The following NPAS3 variants were observed in gnomAD, a reference collection of about 807,000 sequenced individuals.
The protein encoded by NPAS3 is neuronal PAS domain-containing protein 3.
A neutral mutation model predicts 73.1 loss-of-function variants in NPAS3; 14 were observed. The observed-to-expected ratio is 0.19, with a 90% CI of 0.13 to 0.30. NPAS3 has a LOEUF of 0.30. Ranked by LOEUF, NPAS3 falls within the 10% of genes least tolerant of loss-of-function variation. NPAS3 has a pLI of 1.00. For synonymous variants in NPAS3, 620 were observed against 541.5 expected (o/e 1.14, Z -2.01); for missense variants, 1,096 against 1,250.0 (o/e 0.88, Z 1.86).
chr14:32,950,449 C>T (rs961120720), intron 1 of NPAS3, among the ~76,000 whole-genome samples: 2 of 152,052 alleles, frequency 1.3e-5, no homozygotes, highest in Non-Finnish European at 2.9e-5. Flanking sequence ...CATGTGGTTT[C>T]ATCCATAGGG....
chr14:33,265,873 T>C (rs2040791940), intron 3 of NPAS3, among the ~76,000 whole-genome samples: 1 of 152,102 alleles, frequency 6.6e-6, no homozygotes, highest in African/African-American at 2.4e-5. Flanking sequence ...CATGATTTCC[T>C]TTATTAGTGG....
chr14:33,422,791 T>C (rs551210337), intron 4 of NPAS3, among the ~76,000 whole-genome samples: 5 of 152,114 alleles, frequency 3.3e-5, no homozygotes, highest in South Asian at 2.1e-4. Flanking sequence ...AGTGTTAGTT[T>C]GGTTAATACT....
chr14:33,450,897 A>AT (rs1251314297), intron 4 of NPAS3, among the ~76,000 whole-genome samples: 2 of 152,062 alleles, frequency 1.3e-5, no homozygotes, highest in Non-Finnish European at 2.9e-5. Context: ...TCAAAATATT[A>AT]TTTTTTCATG....
chr14:33,552,834 C>T (rs1387187798), intron 4 of NPAS3, among the ~76,000 whole-genome samples: 2 of 152,078 alleles, frequency 1.3e-5, no homozygotes, highest in African/African-American at 4.8e-5. Flanking sequence ...CCTCCTCTAC[C>T]TTGAAAAAGA....
downstream of NPAS3, chr14:33,802,284 T>A (rs551898244): frequency 6.6e-6 from 1 of 151,540 alleles, no homozygotes; most frequent in African/African-American, 2.4e-5. Context: ...CCTTTGGTTC[T>A]TATTTCTGGG....
chr14:33,489,878 A>G (rs1437518748), intron 4 of NPAS3, among the ~76,000 whole-genome samples: 2 of 152,140 alleles, frequency 1.3e-5, no homozygotes, highest in Admixed American at 6.5e-5. Context: ...TCAATACCTC[A>G]GCATTGTTGA....
chr14:33,615,344 G>A (rs955783102), intron 5 of NPAS3, among the ~76,000 whole-genome samples: 22 of 152,138 alleles, frequency 1.4e-4, no homozygotes, highest in Non-Finnish European at 2.5e-4. Flanking sequence ...ATAGAAGTGA[G>A]ACAAGAGGCA....
intron 4 of NPAS3, among the ~76,000 whole-genome samples, chr14:33,482,550 G>A (rs1160870009): frequency 6.6e-6 from 1 of 152,110 alleles, no homozygotes; most frequent in African/African-American, 2.4e-5. Context: ...AAGGGGAGTG[G>A]ATAATAGGGA....
chr14:33,352,785 C>A (rs1013358612), intron 3 of NPAS3, among the ~76,000 whole-genome samples: 4 of 151,954 alleles, frequency 2.6e-5, no homozygotes, highest in African/African-American at 9.7e-5. Context: ...AAAGTAAAAC[C>A]AGTATGAGAG....
At chr14:33,745,532 A>G (rs972840178) in intron 7 of NPAS3, among the ~76,000 whole-genome samples, 5 of 152,196 alleles carry the variant, frequency 3.3e-5, no homozygotes, top group Admixed American at 1.3e-4. Context: ...GATGAAGGTA[A>G]AGTGCTTACC....
chr14:33,617,786 G>A (rs542414787), intron 5 of NPAS3, among the ~76,000 whole-genome samples: 6 of 152,196 alleles, frequency 3.9e-5, no homozygotes, highest in Admixed American at 1.3e-4. Context: ...TCTCTTCACT[G>A]TTGACTATTT....
At chr14:33,059,846 G>A (rs1212556378) in intron 2 of NPAS3, among the ~76,000 whole-genome samples, 1 of 152,168 alleles carries the variant, frequency 6.6e-6, no homozygotes, top group Non-Finnish European at 1.5e-5. Flanking sequence ...TTGCTCTGTT[G>A]CCTAGGCAGT....
chr14:32,984,631 A>T (rs1164435365), intron 1 of NPAS3, among the ~76,000 whole-genome samples: 3 of 152,158 alleles, frequency 2.0e-5, no homozygotes, highest in East Asian at 3.9e-4. Context: ...TTATCAGTGA[A>T]TTGGATGACA....
intron 4 of NPAS3, among the ~76,000 whole-genome samples, chr14:33,532,249 T>A (rs752189328): frequency 2.0e-5 from 3 of 152,174 alleles, no homozygotes; most frequent in African/African-American, 4.8e-5. Flanking sequence ...TCCGTCCTTT[T>A]TAAAGTTCAA....
At chr14:33,673,277 T>C (rs144720581) in intron 5 of NPAS3, among the ~76,000 whole-genome samples, 131 of 152,336 alleles carry the variant, frequency 8.6e-4, no homozygotes, top group African/African-American at 2.9e-3. Context: ...CTGAACCAAA[T>C]TCTGTTTCCA....
intron 7 of NPAS3, among the ~76,000 whole-genome samples, chr14:33,752,282 G>C (rs1455821638): frequency 6.6e-6 from 1 of 151,822 alleles, no homozygotes; most frequent in African/African-American, 2.4e-5. Context: ...TTCTTCTCCA[G>C]ATAATCAGTG....
In NPAS3 at chr14:33,388,068, G is replaced by C. The variant is rs760687528; in HGVS notation, c.468+20800G>C. Among the ~76,000 whole-genome samples the C allele has an allele frequency of 3.8e-4, 58 of 152,256 alleles. 1 individual carries two copies. Among genetic ancestry groups the C allele is most frequent in the African/African-American group, 9.9e-4 (41 of 41,554 alleles). ...TTGAGTAGGACCTTCACTGGTGAAT[G>C]TGGTTTTACCAAGTAAAGATGGATA... On this transcript the variant is annotated intron_variant, in intron 4 of 11. Transcript: ENST00000356141.
intron 7 of NPAS3, among the ~76,000 whole-genome samples, chr14:33,742,410 TG>T (rs1315995948): frequency 1.2e-4 from 18 of 152,372 alleles, no homozygotes; most frequent in African/African-American, 4.1e-4. Flanking sequence ...ATGAATTTTT[TG>T]GTTTCCCAGT....
intron 1 of NPAS3, among the ~76,000 whole-genome samples, chr14:33,011,699 A>C (rs934071490): frequency 2.6e-5 from 4 of 152,086 alleles, no homozygotes; most frequent in African/African-American, 9.7e-5. Flanking sequence ...TTTAGTCTTT[A>C]TGTGCTACTT....
Sources: gnomAD v4.1 joint callset for allele counts (sites outside exome capture counted in the v4.1 genomes callset) on GRCh38, gnomAD v4.1.1 for gene constraint, MANE v1.5 for transcripts, NCBI Gene and HGNC (gene_info 2026-07-23, HGNC 2026-07-21) for gene names.